Variants in CSRNP3 observed in about 807,000 individuals in gnomAD.
CSRNP3 encodes the protein cysteine and serine rich nuclear protein 3.
CSRNP3 carries 12 observed loss-of-function variants against 48.0 expected under a neutral mutation model. That is an observed-to-expected ratio of 0.25 (90% CI 0.16 to 0.41). The LOEUF (loss-of-function observed/expected upper bound fraction) is 0.41, where lower values mean the gene tolerates loss of function less well. Ranked by LOEUF, CSRNP3 falls within the 10% of genes least tolerant of loss-of-function variation. The pLI is 1.00. For synonymous variants in CSRNP3, 263 were observed against 269.7 expected (o/e 0.98, Z 0.24); for missense variants, 580 against 724.4 (o/e 0.80, Z 2.29).
At chr2:165,505,255 A>C (rs1684411072) in intron 2 of CSRNP3, among the ~76,000 whole-genome samples, 2 of 152,088 alleles carry the variant, frequency 1.3e-5, no homozygotes, top group South Asian at 4.1e-4. Flanking sequence ...ATAAAGGAAA[A>C]CCCATTTATT....
At chr2:165,628,813 T>C (rs1469596097) in intron 4 of CSRNP3, among the ~76,000 whole-genome samples, 2 of 151,780 alleles carry the variant, frequency 1.3e-5, no homozygotes, top group Non-Finnish European at 2.9e-5. Flanking sequence ...GTGCCTGTAA[T>C]CCCAGCTTTT....
At chr2:165,497,518 AT>A (rs1189537977) in intron 2 of CSRNP3, among the ~76,000 whole-genome samples, 1 of 152,110 alleles carries the variant, frequency 6.6e-6, no homozygotes, top group Non-Finnish European at 1.5e-5. Flanking sequence ...ACAAATCTTT[AT>A]TAATTATTTT....
chr2:165,478,798 A>G (rs1414818273), intron 1 of CSRNP3, among the ~76,000 whole-genome samples: 2 of 152,208 alleles, frequency 1.3e-5, no homozygotes, highest in African/African-American at 4.8e-5. Context: ...TTGTCAGTGT[A>G]TGTAGGTTAC....
At chr2:165,549,430 A>T (rs1685070865) in intron 3 of CSRNP3, among the ~76,000 whole-genome samples, 1 of 152,120 alleles carries the variant, frequency 6.6e-6, no homozygotes, top group Admixed American at 6.6e-5. Context: ...TTACTAAATT[A>T]GGCAGATATA....
intron 3 of CSRNP3, among the ~76,000 whole-genome samples, chr2:165,524,021 T>C (rs1248148368): frequency 6.6e-6 from 1 of 152,128 alleles, no homozygotes; most frequent in African/African-American, 2.4e-5. Flanking sequence ...GTCTATGGGG[T>C]GTCAATGTCT....
At chr2:165,507,474 C>G (rs1684442432) in intron 2 of CSRNP3, among the ~76,000 whole-genome samples, 1 of 152,080 alleles carries the variant, frequency 6.6e-6, no homozygotes, top group African/African-American at 2.4e-5. Context: ...TCATTTAGGG[C>G]TCCTCTGTAT....
At chr2:165,577,011 T>A (rs2105279031) in intron 3 of CSRNP3, among the ~76,000 whole-genome samples, 1 of 152,108 alleles carries the variant, frequency 6.6e-6, no homozygotes, top group Non-Finnish European at 1.5e-5. Flanking sequence ...GGCAAACATG[T>A]TCTACTCAGT....
intron 4 of CSRNP3, among the ~76,000 whole-genome samples, chr2:165,610,829 T>C (rs115167854): frequency 0.013 from 2,035 of 151,870 alleles, 57 homozygotes; most frequent in African/African-American, 0.046. Context: ...CAGAACTCTC[T>C]TGAAGACTAT....
At chr2:165,597,091 C>G (rs937355873) in intron 4 of CSRNP3, among the ~76,000 whole-genome samples, 1 of 152,086 alleles carries the variant, frequency 6.6e-6, no homozygotes, top group African/African-American at 2.4e-5. Flanking sequence ...TTATTCCGCC[C>G]CTTAATTATA....
At position 165,679,512 on chromosome 2, in the gene CSRNP3, C is replaced by T. The variant is rs763047289; in HGVS notation, c.1517C>T (p.Ser506Phe). The change falls in exon 7 of 7, where the codon TCT becomes TTT. Residue 506 changes from serine to phenylalanine, a missense_variant. By Grantham distance (155) the Ser-to-Phe change is radical (BLOSUM62 -2). Coordinates refer to ENST00000651982, the MANE Select transcript of CSRNP3 (RefSeq NM_001172173.2). ...CCCTCTGTAATCGTTTGCTGCTCCT[C>T]TTCCGAAAATGATAGCGGTGTGCCC... The part of the protein sequence containing the change: ...ANPSVIVCCS[S>F]SENDSGVPCN... 5 of 1,613,778 alleles carry T rather than the reference C, an allele frequency of 3.1e-6. No individual in the cohort carries two copies. Among genetic ancestry groups the T allele is most frequent in the Non-Finnish European group, 4.2e-6 (5 of 1,179,960 alleles).
At chr2:165,543,289 CT>C (rs1684982032) in intron 3 of CSRNP3, among the ~76,000 whole-genome samples, 1 of 151,948 alleles carries the variant, frequency 6.6e-6, no homozygotes, top group African/African-American at 2.4e-5. Context: ...AATTTGTTTA[CT>C]TTTTTAATTA....
At chr2:165,545,440 G>C (rs1011107989) in intron 3 of CSRNP3, among the ~76,000 whole-genome samples, 5 of 152,162 alleles carry the variant, frequency 3.3e-5, no homozygotes, top group Non-Finnish European at 5.9e-5. Context: ...GAGCAGGCAA[G>C]TTAGGATTGG....
In CSRNP3 at chr2:165,665,960, GAA is replaced by G. The variant is rs777358512; in HGVS notation, c.408+7942_408+7943del. 2.2e-3 allele frequency among the ~76,000 whole-genome samples: 280 copies of G among 129,164 alleles called. 4 individuals are homozygous for G. The highest frequency in any genetic ancestry group is 3.4e-3 in the Non-Finnish European group (198 of 58,456). 84.7% of individuals were successfully genotyped at this position (129,164 alleles called of 152,430 possible). A position where few individuals can be genotyped will look rare whatever the true frequency, so the allele number is the denominator to read the frequency against. On this transcript the variant is annotated intron_variant, in intron 5 of 6. Transcript: ENST00000651982. ...GAGAGGAAGGAAGGAAGGACGGAAGGAAAGAGAGAGGGGAAGAAAGAAAGAGA... is the reference window on the plus strand; with the variant it reads ...GAGAGGAAGGAAGGAAGGACGGAAGGAGAGAGAGGGGAAGAAAGAAAGAGA...
In CSRNP3 at chr2:165,592,285, G is replaced by A. The variant is rs556560941; in HGVS notation, c.-23-2758G>A. Among the ~76,000 whole-genome samples the A allele has an allele frequency of 9.2e-5, 14 of 152,270 alleles. No homozygotes were observed. In the South Asian group the frequency reaches 2.9e-3, roughly 32 times the overall value. On this transcript the variant is annotated intron_variant, in intron 3 of 6. Transcript: ENST00000651982. ...TGTTTTGGACAATTTCTCCCATTAG[G>A]AACAGGTGTGTTTACCCAATGCCTG...
chr2:165,607,157 T>C (rs1304238967), intron 4 of CSRNP3, among the ~76,000 whole-genome samples: 4 of 152,132 alleles, frequency 2.6e-5, no homozygotes, highest in Non-Finnish European at 4.4e-5. Context: ...GTGCCATTAT[T>C]TTATCTTTCA....
intron 4 of CSRNP3, among the ~76,000 whole-genome samples, chr2:165,648,694 G>A (rs182375722): frequency 6.6e-6 from 1 of 151,994 alleles, no homozygotes; most frequent in African/African-American, 2.4e-5. Context: ...AAGAGGAGGG[G>A]GCGTCCTTAA....
chr2:165,667,451 T>A (rs2390292), intron 5 of CSRNP3, among the ~76,000 whole-genome samples: 151,572 of 151,834 alleles, frequency 1, 75,656 homozygotes, highest in Admixed American at 1. Flanking sequence ...AGCTTTTTTT[T>A]AAAAAAAATT....
intron 2 of CSRNP3, among the ~76,000 whole-genome samples, chr2:165,505,091 A>G (rs1684407048): frequency 6.6e-6 from 1 of 152,102 alleles, no homozygotes; most frequent in South Asian, 2.1e-4. Context: ...ATTAAATGGA[A>G]GTAAATTTTA....
intron 1 of CSRNP3, among the ~76,000 whole-genome samples, chr2:165,472,655 G>T (rs1683910211): frequency 6.6e-6 from 1 of 151,780 alleles, no homozygotes; most frequent in Non-Finnish European, 1.5e-5. Flanking sequence ...TCATAAAGCT[G>T]TTAACAGCTT....
Sources: gnomAD v4.1 joint callset for allele counts (sites outside exome capture counted in the v4.1 genomes callset) on GRCh38, gnomAD v4.1.1 for gene constraint, MANE v1.5 for transcripts, NCBI Gene and HGNC (gene_info 2026-07-23, HGNC 2026-07-21) for gene names.